The following KLHL3 variants were observed in gnomAD, a reference collection of about 807,000 sequenced individuals.
The protein encoded by KLHL3 is kelch like family member 3, also known as kelch-like protein 3.
Under a neutral mutation model 70.5 loss-of-function variants are expected in KLHL3, and 19 were observed. The ratio of observed to expected loss-of-function variants is 0.27; its 90% CI spans 0.19 to 0.40. The LOEUF (loss-of-function observed/expected upper bound fraction) is 0.40. Among genes scored for constraint, KLHL3 ranks in the 10% least tolerant of loss-of-function variants. The pLI is 1.00. For missense variants in KLHL3, 512 were observed against 771.1 expected (o/e 0.66, Z 3.98); for synonymous variants, 258 against 290.3 (o/e 0.89, Z 1.13).
intron 3 of KLHL3, among the ~76,000 whole-genome samples, chr5:137,704,239 G>A (rs1752632857): frequency 6.6e-6 from 1 of 152,032 alleles, no homozygotes; most frequent in Admixed American, 6.6e-5. Context: ...CAAAAAATTA[G>A]CCGGGCGCGG....
chr5:137,638,458 T>TA lies in KLHL3; in HGVS notation c.1219+494dup, dbSNP rs555406471. Among the ~76,000 whole-genome samples the TA allele has an allele frequency of 1.2e-4, 18 of 152,108 alleles. 1 individual carries two copies. The East Asian group carries it at 2.5e-3, about 21-fold the overall frequency. On this transcript the variant is annotated intron_variant, in intron 10 of 14. Transcript: ENST00000309755. ...TTTGGGTTGAAATTTTGAAGCTAGA[T>TA]AGAGTCCAGAGGCAAGGAGGCTCAC...
At chr5:137,676,883 G>C (rs1363810851) in intron 6 of KLHL3, among the ~76,000 whole-genome samples, 1 of 152,120 alleles carries the variant, frequency 6.6e-6, no homozygotes, top group Non-Finnish European at 1.5e-5. Flanking sequence ...ATCTGAATTT[G>C]CTTCCTCTTC....
chr5:137,646,526 T>C (rs1156938424), intron 8 of KLHL3, among the ~76,000 whole-genome samples: 1 of 152,180 alleles, frequency 6.6e-6, no homozygotes, highest in East Asian at 1.9e-4. Flanking sequence ...TAGCAAGCAG[T>C]TAGGCAAATA....
At chr5:137,699,604 C>T (rs1326318772) in intron 3 of KLHL3, among the ~76,000 whole-genome samples, 1 of 152,164 alleles carries the variant, frequency 6.6e-6, no homozygotes, top group East Asian at 1.9e-4. Context: ...CACATTTCCA[C>T]GGTCCTGAGG....
intron 14 of KLHL3, among the ~76,000 whole-genome samples, chr5:137,622,645 T>C (rs997210378): frequency 6.6e-5 from 10 of 152,254 alleles, no homozygotes; most frequent in African/African-American, 1.4e-4. Flanking sequence ...CTTTGACCTC[T>C]TTAGGCTCAG....
intron 5 of KLHL3, among the ~76,000 whole-genome samples, 185 bp downstream of exon 5, chr5:137,692,100 T>G (rs1752337188): frequency 6.6e-6 from 1 of 152,230 alleles, no homozygotes; most frequent in Non-Finnish European, 1.5e-5. Flanking sequence ...TGGCAATTAA[T>G]CATTTTCCAC....
Position 137,698,276 on chromosome 5 carries a change from C to T in KLHL3, c.363+11G>A, listed in dbSNP as rs1752492479. 1.2e-6 allele frequency: 2 copies of T among 1,614,042 alleles called. No individual in the cohort carries two copies. The highest frequency in any genetic ancestry group is 4.5e-5 in the East Asian group (2 of 44,880). ...TGCAATACACTGAGCTATTAGTGAG[C>T]CTGAGTTTACCTGGACATTCTCTTC... On this transcript the variant is annotated intron_variant, in intron 4 of 14. Transcript: ENST00000309755.
At chr5:137,692,611 C>T (rs1402294931) in intron 4 of KLHL3, 164 bp from the exon 5 acceptor site, 1 of 639,616 alleles carries the variant, frequency 1.6e-6, no homozygotes, top group Non-Finnish European at 2.8e-6. Flanking sequence ...TTTCCCACTA[C>T]TCTGCCCTTC....
chr5:137,694,657 A>G (rs1752403787), intron 4 of KLHL3, among the ~76,000 whole-genome samples: 1 of 152,188 alleles, frequency 6.6e-6, no homozygotes. Flanking sequence ...CCTGGCCAGT[A>G]TCAGCTAGAG....
intron 5 of KLHL3, among the ~76,000 whole-genome samples, chr5:137,686,610 C>G (rs1752171470): frequency 6.6e-6 from 1 of 152,150 alleles, no homozygotes; most frequent in South Asian, 2.1e-4. Context: ...GTGTGTGACC[C>G]TAGTGGGTGC....
At chr5:137,711,059 T>C (rs1255394128) in intron 2 of KLHL3, among the ~76,000 whole-genome samples, 3 of 152,164 alleles carry the variant, frequency 2.0e-5, no homozygotes, top group Non-Finnish European at 4.4e-5. Context: ...TGTGAGCCAA[T>C]GGTAGTGGTT....
At position 137,638,858 on chromosome 5, in the gene KLHL3, G is replaced by C; in HGVS notation, c.1219+95C>G. 3.3e-6 allele frequency: 4 copies of C among 1,203,272 alleles called. No individual in the cohort carries two copies. The Admixed American group carries it at 6.1e-5, about 18-fold the overall frequency. The allele number at this position is 1,203,272 out of a possible 1,614,324, so 74.5% of individuals were successfully genotyped here. A position where few individuals can be genotyped will look rare whatever the true frequency, so the allele number is the denominator to read the frequency against. On this transcript the variant is annotated intron_variant, in intron 10 of 14. Coordinates refer to ENST00000309755, the MANE Select transcript of KLHL3 (RefSeq NM_017415.3). ...GTCCCTGGGGCAGTAGCTACAAATGGACAGAAAGTTGGTCCAGAACTGGCT... is the reference window on the plus strand; with the variant it reads ...GTCCCTGGGGCAGTAGCTACAAATGCACAGAAAGTTGGTCCAGAACTGGCT...
At chr5:137,683,154 G>A (rs531747889) in intron 5 of KLHL3, among the ~76,000 whole-genome samples, 46 of 152,304 alleles carry the variant, frequency 3.0e-4, no homozygotes, top group Non-Finnish European at 5.3e-4. Flanking sequence ...GGGAAGATAT[G>A]TTTGTGTTGC....
intron 8 of KLHL3, among the ~76,000 whole-genome samples, chr5:137,654,092 T>A (rs1580735283): frequency 1.3e-5 from 2 of 152,136 alleles, no homozygotes; most frequent in South Asian, 4.2e-4. Context: ...AGGCTGGGGG[T>A]AGAAGAAGAG....
In KLHL3 at chr5:137,644,677, T is replaced by G. The variant is rs1024082366; in HGVS notation, c.904-4700A>C. On this transcript the variant is annotated intron_variant, in intron 8 of 14. Coordinates refer to ENST00000309755, the MANE Select transcript of KLHL3 (RefSeq NM_017415.3). ...ACAAGATTGAATCACTAATAAAAAG[T>G]CTGCTATCAAAGAAAAGCCCAGAAC... Among the ~76,000 whole-genome samples, 4 of 152,304 alleles carry G rather than the reference T, an allele frequency of 2.6e-5. No individual in the cohort carries two copies. In the East Asian group the frequency reaches 5.8e-4, roughly 22 times the overall value.
chr5:137,645,097 T>C (rs1377399534), intron 8 of KLHL3, among the ~76,000 whole-genome samples: 1 of 152,192 alleles, frequency 6.6e-6, no homozygotes, highest in East Asian at 1.9e-4. Flanking sequence ...GAAAAAGCAT[T>C]TGATAAAACT....
chr5:137,724,042 C>A (rs368187217), intron 1 of KLHL3, among the ~76,000 whole-genome samples: 7 of 152,144 alleles, frequency 4.6e-5, no homozygotes, highest in African/African-American at 1.7e-4. Flanking sequence ...TTGGGGAAAG[C>A]GATGTCTTTC....
At chr5:137,637,464 G>C in intron 10 of KLHL3, 69 bp from the exon 11 acceptor site, 1 of 1,358,554 alleles carries the variant, frequency 7.4e-7, no homozygotes, top group Non-Finnish European at 1.0e-6. Flanking sequence ...GAAGCAGTGA[G>C]GATGGGGGAG....
chr5:137,653,484 C>T (rs530858541), intron 8 of KLHL3, among the ~76,000 whole-genome samples: 1 of 152,142 alleles, frequency 6.6e-6, no homozygotes, highest in East Asian at 1.9e-4. Flanking sequence ...ATATGGGTGG[C>T]AAATAGGCAC....
Sources: allele counts gnomAD v4.1 joint callset (sites outside exome capture counted in the v4.1 genomes callset), GRCh38; gene constraint gnomAD v4.1.1; transcripts MANE v1.5; gene names NCBI Gene and HGNC (gene_info 2026-07-23, HGNC 2026-07-21).